Variants in CPEB2 observed in about 807,000 individuals in gnomAD.
CPEB2 encodes the protein cytoplasmic polyadenylation element-binding protein 2.
In CPEB2, 56 loss-of-function variants were observed where a neutral mutation model predicts 93.6. The observed-to-expected ratio is 0.60, with a 90% CI of 0.48 to 0.75. The LOEUF is 0.75. Among genes scored for constraint, CPEB2 ranks in the 30% least tolerant of loss-of-function variants. The pLI, the probability that CPEB2 is intolerant of heterozygous loss-of-function variation, is 0.00. For synonymous variants in CPEB2, 764 were observed against 586.3 expected (o/e 1.30, Z -4.38); for missense variants, 1,579 against 1,395.1 (o/e 1.13, Z -2.10).
At chr4:15,010,366 A>C (rs1723311582) in intron 3 of CPEB2, 1 of 152,280 alleles carries the variant, frequency 6.6e-6, no homozygotes, top group Admixed American at 6.5e-5. Flanking sequence ...TTAGAATACA[A>C]GCCTCTTGGT....
chr4:15,066,890 C>T lies in CPEB2; in HGVS notation c.*510C>T, dbSNP rs931964600. ...AATTAGGGTTGATTTTTTTGCTCTC[C>T]ATTTTGACTTGCAAGAAATAATACC... On this transcript the variant is annotated 3_prime_UTR_variant, in exon 12 of 12. Coordinates refer to ENST00000538197, the MANE Select transcript of CPEB2 (RefSeq NM_001177382.2). 6.5e-6 allele frequency: 1 copy of T among 153,640 alleles called. No homozygotes were observed. The highest frequency in any genetic ancestry group is 1.5e-5 in the Non-Finnish European group (1 of 68,822). The allele number at this position is 153,640 out of a possible 1,614,324, so 9.5% of individuals were successfully genotyped here. A position where few individuals can be genotyped will look rare whatever the true frequency, so the allele number is the denominator to read the frequency against.
intron 5 of CPEB2, among the ~76,000 whole-genome samples, chr4:15,036,457 A>T (rs1726620805): frequency 6.6e-6 from 1 of 152,166 alleles, no homozygotes; most frequent in South Asian, 2.1e-4. Context: ...AGTACTTCTG[A>T]AATTAGAATG....
intron 4 of CPEB2, among the ~76,000 whole-genome samples, chr4:15,022,254 G>A (rs1724895165): frequency 1.3e-5 from 2 of 151,346 alleles, no homozygotes; most frequent in Non-Finnish European, 3.0e-5. Context: ...AAAGTTTAAT[G>A]GCATTTATTA....
At position 15,003,893 on chromosome 4, in the gene CPEB2, C is replaced by T. The variant is rs984648134; in HGVS notation, c.1220C>T (p.Pro407Leu). The T allele has an allele frequency of 2.1e-5, 19 of 884,008 alleles. No individual in the cohort carries two copies. In the African/African-American group the frequency reaches 3.1e-4, roughly 14 times the overall value. 54.8% of individuals were successfully genotyped at this position (884,008 alleles called of 1,614,324 possible). A position where few individuals can be genotyped will look rare whatever the true frequency, so the allele number is the denominator to read the frequency against. Residue 407 changes from proline (P) to leucine (L), a missense_variant, in exon 1 of 12, where the codon CCG becomes CTG. By Grantham distance (98) the Pro-to-Leu change is moderately conservative. Transcript: ENST00000538197. Reference protein sequence around the residue: ...PPPTQPQQQPPPPQQPPQPQP... With the variant: ...PPPTQPQQQPLPPQQPPQPQP... ...CCGACCCAGCCGCAGCAGCAGCCGC[C>T]GCCACCCCAGCAGCCGCCCCAGCCG...
At chr4:15,007,053 A>G (rs1402064009) in intron 1 of CPEB2, among the ~76,000 whole-genome samples, 2 of 152,210 alleles carry the variant, frequency 1.3e-5, no homozygotes, top group Non-Finnish European at 2.9e-5. Flanking sequence ...AAGGAACTGC[A>G]TGGTTCTATT....
chr4:15,063,089 G>T (rs918242633), intron 11 of CPEB2, among the ~76,000 whole-genome samples: 2 of 151,988 alleles, frequency 1.3e-5, no homozygotes, highest in African/African-American at 2.4e-5. Context: ...TTTTATATCT[G>T]AATTAGTAGA....
chr4:15,003,266 C>T lies in CPEB2; in HGVS notation c.593C>T (p.Pro198Leu). Residue 198 changes from proline to leucine, a missense_variant, in exon 1 of 12, where the codon CCG (proline) becomes CTG (leucine). Transcript: ENST00000538197. Reference sequence around the variant, plus strand: ...CCTCCGGACTCGAAGCCGCCGCCGCCGCCTCCGCCGCTCCACTGCCCCGGT... The same window carrying T: ...CCTCCGGACTCGAAGCCGCCGCCGCTGCCTCCGCCGCTCCACTGCCCCGGT... ...PHPPDSKPPP[P>L]PPPLHCPGRF... is the part of the protein sequence containing the mutation. The T allele has an allele frequency of 6.6e-7, 1 of 1,524,552 alleles. No individual in the cohort carries two copies. The highest frequency in any genetic ancestry group is 8.8e-7 in the Non-Finnish European group (1 of 1,141,798). The allele number at this position is 1,524,552 out of a possible 1,614,324, so 94.4% of individuals were successfully genotyped here. A position where few individuals can be genotyped will look rare whatever the true frequency, so the allele number is the denominator to read the frequency against.
rs956181437 is a variant in CPEB2, at chr4:15,004,332, C to T, written c.1659C>T (p.His553=). ...AGCAGAGGAACTCCTATAACCACCA[C>T]CAGGTACGGCGGGCGGCGGCCTGGC... ...FLQQRNSYNH[H]QPLLKQSPWS... is the part of the protein sequence containing the mutation. Residue 553 remains histidine, a synonymous_variant, in exon 1 of 12, where the codon CAC becomes CAT. Transcript: ENST00000538197. The T allele has an allele frequency of 9.3e-5, 135 of 1,458,162 alleles. No homozygotes were observed. The highest frequency in any genetic ancestry group is 1.1e-4 in the Non-Finnish European group (125 of 1,116,072). The allele number at this position is 1,458,162 out of a possible 1,614,324, so 90.3% of individuals were successfully genotyped here. A position where few individuals can be genotyped will look rare whatever the true frequency, so the allele number is the denominator to read the frequency against.
intron 2 of CPEB2, 79 bp downstream of exon 2, chr4:15,007,665 T>C (rs1723006005): frequency 5.6e-6 from 5 of 886,026 alleles, no homozygotes; most frequent in Admixed American, 3.5e-5. Flanking sequence ...GGTAGTGGTA[T>C]GCTAAAATTA....
In CPEB2 at chr4:15,002,746, G is replaced by T. The variant is rs1393675119; in HGVS notation, c.73G>T (p.Gly25Cys). ...TAGCAGTCCTGGGCCCCTGTTCTGC[G>T]GCGAGGCGTATGGTCCTTACGCCGT... ...RSSSPGPLFC[G>C]EAYGPYAVGS... Residue 25 changes from glycine (G) to cysteine (C), a missense_variant, in exon 1 of 12, where the codon GGC becomes TGC. By Grantham distance (159) the Gly-to-Cys change is radical. This residue lies in a region of CPEB2 where 1,411 missense variants were observed against 1,056.0 expected (regional missense o/e 1.34). Coordinates refer to ENST00000538197, the MANE Select transcript of CPEB2 (RefSeq NM_001177382.2). 3 of 1,535,092 alleles carry T rather than the reference G, an allele frequency of 2.0e-6. No homozygotes were observed. The highest frequency in any genetic ancestry group is 3.9e-5 in the Admixed American group (2 of 50,940).
chr4:15,048,560 A>T (rs1560245943), intron 6 of CPEB2, among the ~76,000 whole-genome samples: 1 of 151,806 alleles, frequency 6.6e-6, no homozygotes. Context: ...GTGTTGATTG[A>T]TGTCTCTTTT....
intron 11 of CPEB2, among the ~76,000 whole-genome samples, chr4:15,065,899 G>GA (rs1160793238): frequency 2.0e-5 from 3 of 151,860 alleles, no homozygotes; most frequent in African/African-American, 7.3e-5. Context: ...CCCTAACTCT[G>GA]AAAATACCAG....
chr4:15,035,167 TA>T (rs1239850486), intron 5 of CPEB2, among the ~76,000 whole-genome samples: 1 of 152,150 alleles, frequency 6.6e-6, no homozygotes, highest in Non-Finnish European at 1.5e-5. Flanking sequence ...TTGTTAGCTT[TA>T]AAAATCAGTG....
In CPEB2 at chr4:15,040,350, C is replaced by CA. The variant is rs59753804; in HGVS notation, c.2177-111dup. The CA allele has an allele frequency of 1.9e-3, 1,775 of 913,712 alleles. 25 individuals are homozygous for CA. The African/African-American group carries it at 0.026, about 14-fold the overall frequency. The allele number at this position is 913,712 out of a possible 1,614,324, so 56.6% of individuals were successfully genotyped here. ...GGTGACATTGTCATTGCTCTTAAAA[C>CA]AAAGTAGCACTAATTTTCAGATGCC... On this transcript the variant is annotated intron_variant, in intron 5 of 11. Transcript: ENST00000538197.
intron 4 of CPEB2, among the ~76,000 whole-genome samples, chr4:15,024,913 T>C (rs981274634): frequency 6.6e-6 from 1 of 151,768 alleles, no homozygotes; most frequent in African/African-American, 2.4e-5. Flanking sequence ...GCCTGGCTAA[T>C]TTTTGTATTT....
chr4:15,038,966 G>A (rs1726911385), intron 5 of CPEB2, among the ~76,000 whole-genome samples: 1 of 152,156 alleles, frequency 6.6e-6, no homozygotes, highest in Admixed American at 6.5e-5. Flanking sequence ...ATCACTTAGA[G>A]CTTTTTAAAA....
chr4:15,057,212 T>A (rs73797792), intron 8 of CPEB2, among the ~76,000 whole-genome samples: 2,333 of 152,274 alleles, frequency 0.015, 57 homozygotes, highest in African/African-American at 0.053. Context: ...ATCTAAGACA[T>A]GTTTTTTAAT....
At chr4:15,054,242 T>C in intron 8 of CPEB2, 25 bp downstream of exon 8, 1 of 1,546,976 alleles carries the variant, frequency 6.5e-7, no homozygotes, top group Non-Finnish European at 8.9e-7. Context: ...TGTTAATATT[T>C]GCTAGGAAAT....
intron 1 of CPEB2, among the ~76,000 whole-genome samples, chr4:15,005,796 G>A (rs1722740548): frequency 6.6e-6 from 1 of 152,186 alleles, no homozygotes; most frequent in Admixed American, 6.5e-5. Context: ...GGCCTATGAG[G>A]ATTGAAAATA....
Sources: gnomAD v4.1 joint callset for allele counts (sites outside exome capture counted in the v4.1 genomes callset) on GRCh38, gnomAD v4.1.1 for gene constraint, gnomAD v4.1.1 regional missense constraint, MANE v1.5 for transcripts, NCBI Gene and HGNC (gene_info 2026-07-23, HGNC 2026-07-21) for gene names.